The following COMMD10 variants were observed in gnomAD, a reference collection of about 807,000 sequenced individuals.
COMMD10 encodes the protein COMM domain-containing protein 10.
Under a neutral mutation model 28.9 loss-of-function variants are expected in COMMD10, and 33 were observed. The observed-to-expected ratio is 1.14, with a 90% CI of 0.87 to 1.53. The LOEUF (loss-of-function observed/expected upper bound fraction) is 1.53, where lower values mean the gene tolerates loss of function less well. Among genes scored for constraint, COMMD10 ranks in the 40% most tolerant of loss-of-function variants. The pLI is 0.00. For missense variants in COMMD10, 310 were observed against 233.4 expected (o/e 1.33, Z -2.14); for synonymous variants, 110 against 81.7 (o/e 1.35, Z -1.87).
chr5:116,225,353 G>GTTTT lies in COMMD10; in HGVS notation c.511-66164_511-66163insTTTT, dbSNP rs143964154. 1.3e-3 allele frequency among the ~76,000 whole-genome samples: 156 copies of GTTTT among 116,458 alleles called. 7 individuals are homozygous for GTTTT. Among genetic ancestry groups the GTTTT allele is most frequent in the Middle Eastern group, 5.2e-3 (1 of 194 alleles). 76.4% of individuals were successfully genotyped at this position (116,458 alleles called of 152,430 possible). A position where few individuals can be genotyped will look rare whatever the true frequency, so the allele number is the denominator to read the frequency against. ...AGACTTTCCTGTTTGTTTTTTTGGG[G>GTTTT]ATTTTTTTTTTTTTTTTTGCATATG... On this transcript the variant is annotated intron_variant, in intron 5 of 6. Transcript: ENST00000274458.
intron 5 of COMMD10, among the ~76,000 whole-genome samples, chr5:116,228,129 C>A (rs771863039): frequency 5.3e-5 from 8 of 151,954 alleles, no homozygotes; most frequent in Non-Finnish European, 8.8e-5. Flanking sequence ...TGGCCTCATT[C>A]CTGCTTTCTT....
intron 5 of COMMD10, among the ~76,000 whole-genome samples, chr5:116,160,752 G>C (rs1181669351): frequency 6.6e-6 from 1 of 152,120 alleles, no homozygotes; most frequent in Non-Finnish European, 1.5e-5. Flanking sequence ...AAATCTCATG[G>C]CTTTAATTAA....
At chr5:116,152,546 C>T (rs1034120203) in intron 5 of COMMD10, among the ~76,000 whole-genome samples, 6 of 150,998 alleles carry the variant, frequency 4.0e-5, no homozygotes, top group Non-Finnish European at 8.8e-5. Context: ...AGCCTCAAAA[C>T]ACCCCATTGA....
At chr5:116,172,168 A>C (rs751053010) in intron 5 of COMMD10, among the ~76,000 whole-genome samples, 5 of 152,120 alleles carry the variant, frequency 3.3e-5, no homozygotes, top group Non-Finnish European at 5.9e-5. Flanking sequence ...ATGTTAAGGA[A>C]ACATCCCATA....
chr5:116,089,827 T>C (rs188578451), intron 2 of COMMD10, among the ~76,000 whole-genome samples: 388 of 152,336 alleles, frequency 2.5e-3, no homozygotes, highest in Non-Finnish European at 4.4e-3. Context: ...GGTCTAATTG[T>C]TTTTTTCCTG....
chr5:116,266,242 C>T (rs372969566), intron 5 of COMMD10, among the ~76,000 whole-genome samples: 1 of 151,488 alleles, frequency 6.6e-6, no homozygotes, highest in African/African-American at 2.4e-5. Context: ...CTATGCAGAC[C>T]TTTGAATGTA....
chr5:116,169,472 C>G (rs1011997579), intron 5 of COMMD10, among the ~76,000 whole-genome samples: 3 of 152,122 alleles, frequency 2.0e-5, no homozygotes, highest in African/African-American at 7.2e-5. Flanking sequence ...AAGAGGGACT[C>G]CTCCCTAATT....
At chr5:116,162,615 C>G (rs1226560999) in intron 5 of COMMD10, among the ~76,000 whole-genome samples, 18 of 152,156 alleles carry the variant, frequency 1.2e-4, no homozygotes, top group Admixed American at 1.1e-3. Flanking sequence ...TATAACTGAG[C>G]TTACCAATTT....
intron 4 of COMMD10, among the ~76,000 whole-genome samples, chr5:116,126,862 T>C (rs1300776045): frequency 2.0e-5 from 3 of 152,186 alleles, no homozygotes; most frequent in Non-Finnish European, 1.5e-5. Flanking sequence ...GCCATAGGCA[T>C]GGGCAAGGAC....
At chr5:116,216,558 A>T (rs1000737319) in intron 5 of COMMD10, among the ~76,000 whole-genome samples, 2 of 152,114 alleles carry the variant, frequency 1.3e-5, no homozygotes, top group African/African-American at 4.8e-5. Context: ...TTTGAGACGG[A>T]GTCTTGCTCT....
intron 5 of COMMD10, among the ~76,000 whole-genome samples, chr5:116,253,464 A>G (rs1312253284): frequency 1.3e-5 from 2 of 151,050 alleles, no homozygotes; most frequent in Non-Finnish European, 3.0e-5. Context: ...ATTTTGAAAT[A>G]TGTCCCATCA....
At position 116,091,229 on chromosome 5, in the gene COMMD10, T is replaced by G. The variant is rs756623305; in HGVS notation, c.243+40T>G. 9 of 1,097,792 alleles carry G rather than the reference T, an allele frequency of 8.2e-6. No individual in the cohort carries two copies. In the Admixed American group the frequency reaches 1.7e-4, roughly 21 times the overall value. The allele number at this position is 1,097,792 out of a possible 1,614,324, so 68.0% of individuals were successfully genotyped here. On this transcript the variant is annotated intron_variant, in intron 3 of 6. Transcript: ENST00000274458. Reference sequence around the variant, plus strand: ...TCAAATTTTCTAGCCATGATTTGTTTACTACATATTTGTATTGTTATGATA... The same window carrying G: ...TCAAATTTTCTAGCCATGATTTGTTGACTACATATTTGTATTGTTATGATA...
At chr5:116,121,081 C>G (rs1015074404) in intron 4 of COMMD10, among the ~76,000 whole-genome samples, 1 of 152,090 alleles carries the variant, frequency 6.6e-6, no homozygotes, top group African/African-American at 2.4e-5. Context: ...ATGCCGCACC[C>G]ATTAACTCAT....
chr5:116,214,980 T>G (rs1467461511), intron 5 of COMMD10, among the ~76,000 whole-genome samples: 1 of 152,050 alleles, frequency 6.6e-6, no homozygotes, highest in Non-Finnish European at 1.5e-5. Context: ...ATATTGGAGG[T>G]CTTTTCTCCC....
intron 4 of COMMD10, 149 bp downstream of exon 4, chr5:116,092,849 A>G (rs530792697): frequency 2.0e-6 from 1 of 495,060 alleles, no homozygotes; most frequent in Non-Finnish European, 3.5e-6. Flanking sequence ...ATGGCCTTAC[A>G]TCCTGATAGA....
At position 116,199,218 on chromosome 5, in the gene COMMD10, G is replaced by A. The variant is rs1264081136; in HGVS notation, c.510+65040G>A. Among the ~76,000 whole-genome samples, 5 of 152,032 alleles carry A rather than the reference G, an allele frequency of 3.3e-5. 1 individual carries two copies. Among genetic ancestry groups the A allele is most frequent in the Admixed American group, 3.3e-4 (5 of 15,244 alleles). On this transcript the variant is annotated intron_variant, in intron 5 of 6. Transcript: ENST00000274458. Reference sequence around the variant, plus strand: ...GATTTCTCTACTGACATACGGTGTGGAGCATCTTTTTATATATTTATTTGG... The same window carrying A: ...GATTTCTCTACTGACATACGGTGTGAAGCATCTTTTTATATATTTATTTGG...
At chr5:116,240,093 T>A (rs1163896042) in intron 5 of COMMD10, among the ~76,000 whole-genome samples, 1 of 151,982 alleles carries the variant, frequency 6.6e-6, no homozygotes, top group Non-Finnish European at 1.5e-5. Flanking sequence ...AAATAGTAGA[T>A]CACTATGTGA....
Position 116,130,462 on chromosome 5 carries a change from C to T in COMMD10, c.400-3606C>T, listed in dbSNP as rs535633452. Among the ~76,000 whole-genome samples the T allele has an allele frequency of 1.1e-4, 17 of 152,002 alleles. 1 individual carries two copies. The highest frequency in any genetic ancestry group is 3.6e-4 in the African/African-American group (15 of 41,512). On this transcript the variant is annotated intron_variant, in intron 4 of 6. Coordinates refer to ENST00000274458, the MANE Select transcript of COMMD10 (RefSeq NM_016144.4). ...TGACCCTGCTTCTCCGTCTTCTGGA[C>T]GTTTGTTATGTCAGTCATTCTTACT...
intron 5 of COMMD10, among the ~76,000 whole-genome samples, chr5:116,207,118 T>C (rs1748833361): frequency 6.6e-6 from 1 of 152,258 alleles, no homozygotes; most frequent in Admixed American, 6.5e-5. Context: ...CAAATTTCTC[T>C]ATTAATAATT....
Sources: gnomAD v4.1 joint callset for allele counts (sites outside exome capture counted in the v4.1 genomes callset) on GRCh38, gnomAD v4.1.1 for gene constraint, MANE v1.5 for transcripts, NCBI Gene and HGNC (gene_info 2026-07-23, HGNC 2026-07-21) for gene names.